The following TTYH2 variants were observed in gnomAD, a reference collection of about 807,000 sequenced individuals.
TTYH2 encodes protein tweety homolog 2.
TTYH2 carries 49 observed loss-of-function variants against 68.3 expected under a neutral mutation model. The observed-to-expected ratio is 0.72, with a 90% CI of 0.57 to 0.91. The LOEUF is 0.91. Among genes scored for constraint, TTYH2 ranks in the 40% least tolerant of loss-of-function variants. The probability of loss-of-function intolerance (pLI) is 0.00; values close to 1 mark genes in which losing one functional copy is unlikely to be tolerated. For synonymous variants in TTYH2, 272 were observed against 300.8 expected, an observed-to-expected ratio of 0.90 and a Z score of 0.99; for missense variants, 631 against 700.4, an observed-to-expected ratio of 0.90 and a Z score of 1.12.
At chr17:74,245,440 T>C (rs1330915380) in intron 6 of TTYH2, among the ~76,000 whole-genome samples, 3 of 152,228 alleles carry the variant, frequency 2.0e-5, no homozygotes, top group Non-Finnish European at 4.4e-5. Flanking sequence ...CCCATCCCGC[T>C]TTCTGGGCAG....
chr17:74,253,159 G>A lies in TTYH2; in HGVS notation c.1338G>A (p.Pro446=), dbSNP rs138705961. The A allele has an allele frequency of 4.5e-5, 73 of 1,613,866 alleles. No homozygotes were observed. Among genetic ancestry groups the A allele is most frequent in the Admixed American group, 1.2e-4 (7 of 59,964 alleles). The change falls in exon 12 of 14, where the codon CCG becomes CCA. Residue 446 remains proline (P), a synonymous_variant. Coordinates refer to ENST00000269346, the MANE Select transcript of TTYH2 (RefSeq NM_032646.6). ...GGCGCATGGCGGCTCACAGTCCCCC[G>A]AGGGGACAGCTTCACAGCTTCTGCA... The part of the protein sequence containing the change: ...QAWRMAAHSP[P]RGQLHSFCSY...
chr17:74,256,253 T>G (rs955525183), intron 13 of TTYH2, among the ~76,000 whole-genome samples: 5 of 150,976 alleles, frequency 3.3e-5, no homozygotes, highest in Non-Finnish European at 5.9e-5. Context: ...CAGGGGCAGT[T>G]TTCCCCCCTG....
At chr17:74,230,302 G>T (rs544313017) in intron 2 of TTYH2, among the ~76,000 whole-genome samples, 4 of 151,142 alleles carry the variant, frequency 2.6e-5, no homozygotes, top group Non-Finnish European at 4.4e-5. Context: ...ACTACGTTGC[G>T]CAGGCTGGTC....
At chr17:74,244,862 GTGTGTGTGTGTGTGTGTGTGTT>G (rs2050540038) in intron 6 of TTYH2, among the ~76,000 whole-genome samples, 1 of 60,298 alleles carries the variant, frequency 1.7e-5, no homozygotes, top group Admixed American at 1.3e-4. Flanking sequence ...TGCAGTGTGT[GTGTGTGTGTGTGTGTGTGTGTT>G]TGTGTGTGTG....
At chr17:74,228,368 C>A (rs544493948) in intron 2 of TTYH2, among the ~76,000 whole-genome samples, 1 of 152,100 alleles carries the variant, frequency 6.6e-6, no homozygotes, top group Non-Finnish European at 1.5e-5. Context: ...TAAGTGTGGA[C>A]GTGTACATTC....
intron 9 of TTYH2, 42 bp downstream of exon 9, chr17:74,250,070 C>T: frequency 1.2e-6 from 2 of 1,603,696 alleles, no homozygotes; most frequent in Non-Finnish European, 1.7e-6. Context: ...CAGATGAACC[C>T]TGACAGCCCT....
At chr17:74,226,755 A>G (rs1485670419) in intron 2 of TTYH2, among the ~76,000 whole-genome samples, 2 of 152,088 alleles carry the variant, frequency 1.3e-5, no homozygotes, top group African/African-American at 4.8e-5. Context: ...GTTCTCCTCT[A>G]TTATGGGGGA....
At chr17:74,254,288 C>T (rs2143783448) in intron 13 of TTYH2, among the ~76,000 whole-genome samples, 1 of 152,264 alleles carries the variant, frequency 6.6e-6, no homozygotes, top group African/African-American at 2.4e-5. Flanking sequence ...CTGCCTCAGC[C>T]TCCCAAGTAG....
At chr17:74,255,141 G>A (rs1470458240) in intron 13 of TTYH2, among the ~76,000 whole-genome samples, 5 of 152,254 alleles carry the variant, frequency 3.3e-5, no homozygotes, top group Non-Finnish European at 5.9e-5. Context: ...TGAAGTGACC[G>A]CCAAGGTTCA....
chr17:74,237,229 G>T, intron 3 of TTYH2, 65 bp from the exon 4 acceptor site: 1 of 1,539,204 alleles, frequency 6.5e-7, no homozygotes, highest in Non-Finnish European at 8.9e-7. Context: ...TGCCTGCAAA[G>T]ACCTCTTCCG....
At chr17:74,233,434 A>G (rs190303217) in intron 3 of TTYH2, among the ~76,000 whole-genome samples, 27 of 152,352 alleles carry the variant, frequency 1.8e-4, no homozygotes, top group Non-Finnish European at 3.2e-4. Flanking sequence ...ACTCAGCTGT[A>G]TGACTGTGAT....
In TTYH2 at chr17:74,222,775, A is replaced by C; in HGVS notation, c.302+118A>C. 8.4e-7 allele frequency: 1 copy of C among 1,193,488 alleles called. No homozygotes were observed. Among genetic ancestry groups the C allele is most frequent in the Non-Finnish European group, 1.1e-6 (1 of 888,914 alleles). The allele number at this position is 1,193,488 out of a possible 1,614,324, so 73.9% of individuals were successfully genotyped here. A position where few individuals can be genotyped will look rare whatever the true frequency, so the allele number is the denominator to read the frequency against. ...CCTTGATGGAAAAGCTTGTCCCCAG[A>C]TGAATGTTGTCCCTTTTTTTTTTTT... On this transcript the variant is annotated intron_variant, in intron 2 of 13. Coordinates refer to ENST00000269346, the MANE Select transcript of TTYH2 (RefSeq NM_032646.6). The surrounding 1 kb of genome is among the most constrained non-coding windows in gnomAD (Gnocchi z 5.2).
chr17:74,243,876 C>T, intron 5 of TTYH2, 101 bp from the exon 6 acceptor site: 1 of 1,122,398 alleles, frequency 8.9e-7, no homozygotes. Flanking sequence ...ACTGAGGCTG[C>T]CTTTGGATCC....
intron 12 of TTYH2, among the ~76,000 whole-genome samples, 194 bp from the exon 13 acceptor site, chr17:74,253,561 C>T (rs1378005970): frequency 6.6e-6 from 1 of 152,188 alleles, no homozygotes; most frequent in Non-Finnish European, 1.5e-5. Flanking sequence ...CCTCCGTTGC[C>T]CATCAGCCAC....
rs368866988 is a variant in TTYH2 at position 74,260,166 on chromosome 17, C to T, written c.1562C>T (p.Ala521Val). The change falls in exon 14 of 14, where the codon GCG becomes GTG. Residue 521 changes from alanine (A) to valine (V), a missense_variant. By Grantham distance (64) the Ala-to-Val change is moderately conservative (BLOSUM62 0). Transcript: ENST00000269346. ...ATGAGAGCCACCTACCTGTCTGTGG[C>T]GGATGAGCACCTGAGGCACTACGGG... The part of the protein sequence containing the change: ...PSMRATYLSV[A>V]DEHLRHYGNQ... The T allele has an allele frequency of 2.7e-5, 44 of 1,613,788 alleles. No individual in the cohort carries two copies. The highest frequency in any genetic ancestry group is 1.1e-4 in the East Asian group (5 of 44,884).
chr17:74,260,389 G>A lies in TTYH2; in HGVS notation c.*180G>A, dbSNP rs923006253. 2.3e-4 allele frequency: 144 copies of A among 628,392 alleles called. 1 individual carries two copies. In the Middle Eastern group the frequency reaches 2.8e-3, roughly 12 times the overall value. The allele number at this position is 628,392 out of a possible 1,614,324, so 38.9% of individuals were successfully genotyped here. On this transcript the variant is annotated 3_prime_UTR_variant, in exon 14 of 14. Coordinates refer to ENST00000269346, the MANE Select transcript of TTYH2 (RefSeq NM_032646.6). ...AGGGGGTGCAGAAGACTCACCACGC[G>A]GGCCAGCCTCTCTCTTTTGCCCTGC...
At chr17:74,234,683 G>C (rs1221411376) in intron 3 of TTYH2, among the ~76,000 whole-genome samples, 3 of 152,162 alleles carry the variant, frequency 2.0e-5, no homozygotes, top group African/African-American at 7.2e-5. Flanking sequence ...TTAAGAAATA[G>C]AGAAGTTAAC....
chr17:74,215,432 A>T lies in TTYH2; in HGVS notation c.129+1716A>T, dbSNP rs1485736530. ...GCCTGCCCACAGCCCCCTCAGTCCC[A>T]TGGGCAGGTGGCAGTTGAGCCAGAT... On this transcript the variant is annotated intron_variant, in intron 1 of 13. Transcript: ENST00000269346. This position sits in a 1 kb window ranked among gnomAD's most constrained non-coding sequence, Gnocchi z 4.3. 1.3e-5 allele frequency among the ~76,000 whole-genome samples: 2 copies of T among 152,096 alleles called. No homozygotes were observed. Among genetic ancestry groups the T allele is most frequent in the East Asian group, 3.9e-4 (2 of 5,172 alleles).
intron 6 of TTYH2, among the ~76,000 whole-genome samples, chr17:74,247,471 G>A (rs1256514590): frequency 6.6e-6 from 1 of 152,186 alleles, no homozygotes; most frequent in Non-Finnish European, 1.5e-5. Flanking sequence ...AGGAGATGGA[G>A]GCTCCAGGGT....
Sources: allele counts gnomAD v4.1 joint callset (sites outside exome capture counted in the v4.1 genomes callset), GRCh38; gene constraint gnomAD v4.1.1; non-coding constraint Gnocchi (gnomAD v3.1); transcripts MANE v1.5; gene names NCBI Gene and HGNC (gene_info 2026-07-23, HGNC 2026-07-21).